KREMEN1: variants seen among roughly 807,000 people sequenced by gnomAD.
The protein encoded by KREMEN1 is kremen protein 1.
Under a neutral mutation model 46.5 loss-of-function variants are expected in KREMEN1, and 30 were observed. That is an observed-to-expected ratio of 0.65 (90% CI 0.48 to 0.88). The LOEUF (loss-of-function observed/expected upper bound fraction) is 0.88. Among genes scored for constraint, KREMEN1 ranks in the 40% least tolerant of loss-of-function variants. KREMEN1 has a pLI of 0.00. For synonymous variants in KREMEN1, 214 were observed against 230.6 expected, an observed-to-expected ratio of 0.93 and a Z score of 0.65; for missense variants, 533 against 596.9, an observed-to-expected ratio of 0.89 and a Z score of 1.11.
intron 3 of KREMEN1, among the ~76,000 whole-genome samples, chr22:29,119,442 G>C (rs552390442): frequency 3.3e-5 from 5 of 152,324 alleles, no homozygotes; most frequent in African/African-American, 1.2e-4. Flanking sequence ...TGGAGGATGT[G>C]GGGGTGTGGG....
chr22:29,147,859 C>G (rs1254635901), downstream of KREMEN1, among the ~76,000 whole-genome samples: 1 of 152,190 alleles, frequency 6.6e-6, no homozygotes, highest in African/African-American at 2.4e-5. Context: ...CACCATGTGA[C>G]CTGGGGTGAG....
chr22:29,124,232 G>A (rs1163263246), intron 4 of KREMEN1, among the ~76,000 whole-genome samples: 1 of 152,092 alleles, frequency 6.6e-6, no homozygotes, highest in African/African-American at 2.4e-5. Context: ...ATAAGAAGGA[G>A]TAAACTATTG....
At position 29,136,405 on chromosome 22, in the gene KREMEN1, C is replaced by G. The variant is rs561025275; in HGVS notation, c.632-937C>G. ...TGGCTAACACGGTGAAACCCCATCT[C>G]TACTAAAAATACAAAAAAAGTTAGC... On this transcript the variant is annotated intron_variant, in intron 5 of 8. Coordinates refer to ENST00000400335, the MANE Select transcript of KREMEN1 (RefSeq NM_001039570.3). Among the ~76,000 whole-genome samples, 25 of 151,850 alleles carry G rather than the reference C, an allele frequency of 1.6e-4. No homozygotes were observed. In the South Asian group the frequency reaches 5.0e-3, roughly 30 times the overall value.
chr22:29,120,174 G>A lies in KREMEN1; in HGVS notation c.353-1183G>A, dbSNP rs112629215. 4.0e-3 allele frequency among the ~76,000 whole-genome samples: 323 copies of A among 80,724 alleles called. 87 individuals are homozygous for A. The highest frequency in any genetic ancestry group is 8.3e-3 in the East Asian group (15 of 1,814). The allele number at this position is 80,724 out of a possible 152,430, so 53.0% of individuals were successfully genotyped here. A position where few individuals can be genotyped will look rare whatever the true frequency, so the allele number is the denominator to read the frequency against. On this transcript the variant is annotated intron_variant, in intron 3 of 8. Coordinates refer to ENST00000400335, the MANE Select transcript of KREMEN1 (RefSeq NM_001039570.3). ...GAGAGGTGATGAAGGAAATGGAGGAGGGAGAGGTGATGAAGGAAACAGGGA... is the reference window on the plus strand; with the variant it reads ...GAGAGGTGATGAAGGAAATGGAGGAAGGAGAGGTGATGAAGGAAACAGGGA...
Position 29,086,473 on chromosome 22 carries a change from C to T in KREMEN1, c.98-7785C>T, listed in dbSNP as rs75570749. On this transcript the variant is annotated intron_variant, in intron 1 of 8. Coordinates refer to ENST00000400335, the MANE Select transcript of KREMEN1 (RefSeq NM_001039570.3). The stretch of plus-strand genomic sequence containing the variant: ...GTAGAAATCACTGCTCTTGGAGAGC[C>T]ATTTTTGAAGATGGGAGTGTGTCCT... 6.0e-3 allele frequency among the ~76,000 whole-genome samples: 911 copies of T among 152,272 alleles called. 9 individuals carry two copies. The highest frequency in any genetic ancestry group is 0.02 in the African/African-American group (850 of 41,536).
chr22:29,119,871 G>C (rs1001282214), intron 3 of KREMEN1, among the ~76,000 whole-genome samples: 62 of 152,336 alleles, frequency 4.1e-4, no homozygotes, highest in South Asian at 3.9e-3. Context: ...GATGGCATAG[G>C]AGATTTTGCA....
chr22:29,138,958 T>C (rs1037483364), intron 7 of KREMEN1, 176 bp downstream of exon 7: 6 of 922,110 alleles, frequency 6.5e-6, no homozygotes, highest in Non-Finnish European at 1.0e-5. Context: ...CTTATTAGCT[T>C]GGTTCCTTAG....
At chr22:29,155,687 G>A (rs1231807237) in intron 9 of KREMEN1, among the ~76,000 whole-genome samples, 4 of 151,840 alleles carry the variant, frequency 2.6e-5, no homozygotes, top group East Asian at 1.9e-4. Context: ...GGCTGGGCCC[G>A]GTGGCTCACA....
intron 3 of KREMEN1, among the ~76,000 whole-genome samples, chr22:29,100,928 A>G (rs959418091): frequency 1.3e-5 from 2 of 152,200 alleles, no homozygotes; most frequent in Non-Finnish European, 2.9e-5. Flanking sequence ...TAAAACATTT[A>G]AAAAATATAA....
intron 1 of KREMEN1, among the ~76,000 whole-genome samples, chr22:29,081,404 A>G (rs1750954039): frequency 6.6e-6 from 1 of 152,168 alleles, no homozygotes; most frequent in South Asian, 2.1e-4. Context: ...AATAATTTTT[A>G]ATTAAAGTCT....
chr22:29,076,467 T>C (rs2037572348), intron 1 of KREMEN1, among the ~76,000 whole-genome samples: 1 of 152,218 alleles, frequency 6.6e-6, no homozygotes, highest in Non-Finnish European at 1.5e-5. Flanking sequence ...ACTTGCATAC[T>C]CTGAGTATTT....
chr22:29,161,082 T>C (rs1415371722), intron 9 of KREMEN1, among the ~76,000 whole-genome samples: 1 of 152,140 alleles, frequency 6.6e-6, no homozygotes, highest in Non-Finnish European at 1.5e-5. Flanking sequence ...TCAGAGACTA[T>C]TATGAACACC....
chr22:29,125,226 A>G (rs1474217748), intron 4 of KREMEN1, 37 bp from the exon 5 acceptor site: 2 of 1,606,660 alleles, frequency 1.2e-6, no homozygotes, highest in South Asian at 2.2e-5. Context: ...GACATCCCTG[A>G]TGATGCTTAC....
At position 29,125,288 on chromosome 22, in the gene KREMEN1, C is replaced by A; in HGVS notation, c.503C>A (p.Ala168Asp). ...FKFAGMESGY[A>D]CFCGNNPDYW... ...TTTGCTGGGATGGAGTCAGGCTATG[C>A]TTGCTTCTGTGGAAACAATCCTGAT... The change falls in exon 5 of 9, where the codon GCT (alanine) becomes GAT (aspartate). Residue 168 changes from alanine to aspartate, a missense_variant. Transcript: ENST00000400335. 6.2e-7 allele frequency: 1 copy of A among 1,614,158 alleles called. No individual in the cohort carries two copies. Among genetic ancestry groups the A allele is most frequent in the Non-Finnish European group, 8.5e-7 (1 of 1,180,016 alleles).
chr22:29,092,339 A>C (rs539595630), intron 1 of KREMEN1, among the ~76,000 whole-genome samples: 5 of 152,288 alleles, frequency 3.3e-5, no homozygotes, highest in Non-Finnish European at 7.4e-5. Flanking sequence ...CCTTATCTGT[A>C]AAATGGGGTA....
At chr22:29,109,536 G>T (rs1314460156) in intron 3 of KREMEN1, among the ~76,000 whole-genome samples, 1 of 152,216 alleles carries the variant, frequency 6.6e-6, no homozygotes, top group Non-Finnish European at 1.5e-5. Flanking sequence ...ATGGGTCAGG[G>T]AACAGCAGGA....
intron 1 of KREMEN1, among the ~76,000 whole-genome samples, chr22:29,086,842 T>C (rs1306197318): frequency 6.6e-6 from 1 of 152,096 alleles, no homozygotes; most frequent in South Asian, 2.1e-4. Flanking sequence ...CACTGCAGCT[T>C]TGACTTCCTG....
chr22:29,151,535 C>T (rs1375480835), downstream of KREMEN1, among the ~76,000 whole-genome samples: 3 of 152,126 alleles, frequency 2.0e-5, no homozygotes, highest in Non-Finnish European at 4.4e-5. Context: ...CATGAGGAGT[C>T]GGGGGATGGG....
chr22:29,090,806 T>C (rs2037792824), intron 1 of KREMEN1, among the ~76,000 whole-genome samples: 1 of 152,182 alleles, frequency 6.6e-6, no homozygotes. Context: ...TGGGCAAGTC[T>C]GGTCAAAAAA....
Sources: allele counts gnomAD v4.1 joint callset (sites outside exome capture counted in the v4.1 genomes callset), GRCh38; gene constraint gnomAD v4.1.1; transcripts MANE v1.5; gene names NCBI Gene and HGNC (gene_info 2026-07-23, HGNC 2026-07-21).